KCNMA1: variants seen among roughly 807,000 people sequenced by gnomAD.
KCNMA1 encodes the protein potassium calcium-activated channel subfamily M alpha 1, also known as Calcium-activated potassium channel subunit alpha-1.
A neutral mutation model predicts 140.0 loss-of-function variants in KCNMA1; 29 were observed. That is an observed-to-expected ratio of 0.21 (90% confidence interval 0.15 to 0.28). The LOEUF is 0.28. Ranked by LOEUF, KCNMA1 falls within the 10% of genes least tolerant of loss-of-function variation. The probability of loss-of-function intolerance (pLI) is 1.00; values close to 1 mark genes in which losing one functional copy is unlikely to be tolerated. For synonymous variants in KCNMA1, 612 were observed against 611.9 expected, an observed-to-expected ratio of 1.00 and a Z score of 0.00; for missense variants, 880 against 1,602.2, an observed-to-expected ratio of 0.55 and a Z score of 7.70.
intron 2 of KCNMA1, among the ~76,000 whole-genome samples, chr10:77,378,967 G>A (rs536220135): frequency 5.7e-4 from 87 of 152,176 alleles, no homozygotes; most frequent in Admixed American, 6.5e-4. Context: ...CTACATGTAC[G>A]CTCATTTTCA....
Position 77,338,495 on chromosome 10 carries a change from C to A in KCNMA1, c.540+65367G>T, listed in dbSNP as rs897160804. Among the ~76,000 whole-genome samples the A allele has an allele frequency of 2.0e-5, 3 of 152,192 alleles. No homozygotes were observed. In the South Asian group the frequency reaches 6.2e-4, roughly 31 times the overall value. On this transcript the variant is annotated intron_variant, in intron 2 of 27. Transcript: ENST00000286628. Reference sequence around the variant, plus strand: ...GCCAGAGGCCCTTACAGACCCTAAGCCTCTGCTCCTGCTCTTCTCCAGCAG... The same window carrying A: ...GCCAGAGGCCCTTACAGACCCTAAGACTCTGCTCCTGCTCTTCTCCAGCAG...
chr10:77,574,255 C>CAT (rs2073127470), intron 1 of KCNMA1, among the ~76,000 whole-genome samples: 1 of 147,364 alleles, frequency 6.8e-6, no homozygotes, highest in Non-Finnish European at 1.5e-5. Flanking sequence ...AATATCTATG[C>CAT]GTGTGTATAT....
intron 23 of KCNMA1, among the ~76,000 whole-genome samples, chr10:76,928,289 GCACACA>G (rs763783104): frequency 2.5e-4 from 18 of 73,382 alleles, no homozygotes; most frequent in African/African-American, 6.3e-4. Flanking sequence ...ACACGCGCGC[GCACACA>G]CACACACACA....
intron 19 of KCNMA1, among the ~76,000 whole-genome samples, chr10:76,989,490 CAG>C (rs1183469659): frequency 3.3e-5 from 5 of 152,092 alleles, no homozygotes; most frequent in African/African-American, 9.7e-5. Flanking sequence ...GGAAGATAAT[CAG>C]AGTCTCAGAG....
At chr10:77,563,392 T>C (rs2067052991) in intron 1 of KCNMA1, among the ~76,000 whole-genome samples, 1 of 152,162 alleles carries the variant, frequency 6.6e-6, no homozygotes, top group South Asian at 2.1e-4. Flanking sequence ...TTCTGGGTGA[T>C]AAGGCAACCC....
At chr10:77,459,663 C>G (rs961187428) in intron 1 of KCNMA1, among the ~76,000 whole-genome samples, 1 of 152,186 alleles carries the variant, frequency 6.6e-6, no homozygotes, top group Non-Finnish European at 1.5e-5. Flanking sequence ...ACAAACCTGG[C>G]AAGGTCAAGA....
At chr10:77,435,143 G>A (rs995744075) in intron 1 of KCNMA1, among the ~76,000 whole-genome samples, 3 of 151,486 alleles carry the variant, frequency 2.0e-5, no homozygotes, top group African/African-American at 7.3e-5. Flanking sequence ...TCCCTCTGTT[G>A]CCTAGGCTGG....
chr10:77,529,176 G>C (rs1294943129), intron 1 of KCNMA1, among the ~76,000 whole-genome samples: 1 of 152,140 alleles, frequency 6.6e-6, no homozygotes, highest in Non-Finnish European at 1.5e-5. Context: ...CCAGGCAAAA[G>C]GGTTGAGGGC....
chr10:76,946,851 G>A (rs74140232), intron 22 of KCNMA1, among the ~76,000 whole-genome samples: 209 of 152,286 alleles, frequency 1.4e-3, no homozygotes, highest in African/African-American at 4.6e-3. Flanking sequence ...CATAGAAATC[G>A]CTTATGTTTC....
chr10:77,248,457 C>T (rs924036284), intron 3 of KCNMA1, among the ~76,000 whole-genome samples: 5 of 152,160 alleles, frequency 3.3e-5, no homozygotes, highest in Non-Finnish European at 5.9e-5. Context: ...TATAGACTGT[C>T]CCCTGATTCA....
At chr10:77,415,510 G>A (rs1266085941) in intron 1 of KCNMA1, among the ~76,000 whole-genome samples, 3 of 152,260 alleles carry the variant, frequency 2.0e-5, no homozygotes, top group Non-Finnish European at 4.4e-5. Flanking sequence ...AACTGTGGCA[G>A]GGGCCCAGCA....
chr10:76,925,017 C>T (rs2057249668), intron 23 of KCNMA1, among the ~76,000 whole-genome samples: 1 of 152,170 alleles, frequency 6.6e-6, no homozygotes, highest in African/African-American at 2.4e-5. Context: ...CAGCTCCTGT[C>T]GTTTCTTTAC....
intron 23 of KCNMA1, among the ~76,000 whole-genome samples, chr10:76,933,317 G>C (rs1311018304): frequency 6.6e-6 from 1 of 152,202 alleles, no homozygotes; most frequent in Non-Finnish European, 1.5e-5. Context: ...TACTAGGTGT[G>C]AGGTACTGTG....
At chr10:77,564,289 A>G (rs1257391120) in intron 1 of KCNMA1, among the ~76,000 whole-genome samples, 1 of 152,150 alleles carries the variant, frequency 6.6e-6, no homozygotes, top group Non-Finnish European at 1.5e-5. Context: ...AGGTGATTTC[A>G]TGGCCAGGCA....
intron 3 of KCNMA1, among the ~76,000 whole-genome samples, chr10:77,247,546 G>A (rs942278535): frequency 1.3e-5 from 2 of 152,294 alleles, no homozygotes; most frequent in South Asian, 2.1e-4. Flanking sequence ...ATCAGAATAT[G>A]TGGGAGGACA....
chr10:77,443,424 T>A (rs192819996), intron 1 of KCNMA1, among the ~76,000 whole-genome samples: 21 of 151,522 alleles, frequency 1.4e-4, no homozygotes, highest in African/African-American at 5.1e-4. Flanking sequence ...AGGCTGGGAG[T>A]ATGGCTGGAC....
intron 15 of KCNMA1, among the ~76,000 whole-genome samples, chr10:77,033,900 A>G (rs1310474456): frequency 2.0e-5 from 3 of 152,134 alleles, no homozygotes; most frequent in South Asian, 2.1e-4. Flanking sequence ...ATACTCCCCA[A>G]TCAAGTGGAT....
At chr10:77,141,880 T>C (rs181456423) in intron 5 of KCNMA1, among the ~76,000 whole-genome samples, 1 of 152,358 alleles carries the variant, frequency 6.6e-6, no homozygotes, top group East Asian at 1.9e-4. Flanking sequence ...CTTCTCAATG[T>C]GGATTAGTTC....
At chr10:77,000,871 T>A (rs1424038120) in intron 19 of KCNMA1, among the ~76,000 whole-genome samples, 47,101 of 81,794 alleles carry the variant, frequency 0.58, 13,593 homozygotes, top group Middle Eastern at 0.66. Flanking sequence ...TATATATATA[T>A]ATATATATAT....
Sources: allele counts gnomAD v4.1 joint callset (sites outside exome capture counted in the v4.1 genomes callset), GRCh38; gene constraint gnomAD v4.1.1; transcripts MANE v1.5; gene names NCBI Gene and HGNC (gene_info 2026-07-23, HGNC 2026-07-21).